Variants in IQCM observed in about 807,000 individuals in gnomAD.
IQCM encodes IQ motif containing M.
Under a neutral mutation model 57.6 loss-of-function variants are expected in IQCM, and 45 were observed. The ratio of observed to expected loss-of-function variants is 0.78; its 90% CI spans 0.62 to 1.00. The LOEUF (loss-of-function observed/expected upper bound fraction) is 1.00. Ranked by LOEUF, IQCM falls within the 50% of genes least tolerant of loss-of-function variation. The pLI is 0.00. For missense variants in IQCM, 468 were observed against 511.6 expected (o/e 0.91, Z 0.82); for synonymous variants, 148 against 158.9 (o/e 0.93, Z 0.51).
intron 13 of IQCM, among the ~76,000 whole-genome samples, chr4:149,430,478 T>A (rs1206124537): frequency 6.6e-6 from 1 of 151,954 alleles, no homozygotes; most frequent in Non-Finnish European, 1.5e-5. Flanking sequence ...ACTCTCAAAT[T>A]TTTTAACCCA....
intron 7 of IQCM, among the ~76,000 whole-genome samples, chr4:149,668,108 C>T (rs1171605461): frequency 1.3e-5 from 2 of 151,978 alleles, no homozygotes; most frequent in African/African-American, 4.8e-5. Context: ...GAAGAGCAAT[C>T]CCAAGACACA....
intron 2 of IQCM, among the ~76,000 whole-genome samples, chr4:149,777,377 G>T (rs1771190112): frequency 1.3e-5 from 2 of 152,154 alleles, no homozygotes; most frequent in African/African-American, 4.8e-5. Context: ...ACACCGTCTG[G>T]TTCATAACTG....
intron 13 of IQCM, among the ~76,000 whole-genome samples, chr4:149,400,320 A>G (rs1732528659): frequency 6.6e-6 from 1 of 151,920 alleles, no homozygotes; most frequent in Admixed American, 6.6e-5. Flanking sequence ...CGAGAAGCTT[A>G]AAAACAAAGC....
intron 5 of IQCM, among the ~76,000 whole-genome samples, chr4:149,720,232 G>C (rs969011193): frequency 6.6e-6 from 1 of 152,118 alleles, no homozygotes; most frequent in African/African-American, 2.4e-5. Flanking sequence ...TTTCCCCTCT[G>C]GGCCAATAAT....
At chr4:149,519,932 G>T (rs1384615955) in intron 12 of IQCM, among the ~76,000 whole-genome samples, 1 of 152,038 alleles carries the variant, frequency 6.6e-6, no homozygotes, top group African/African-American at 2.4e-5. Flanking sequence ...ATGAACCTGG[G>T]AGGCAGAGCT....
At chr4:149,461,230 T>C (rs1738250129) in intron 12 of IQCM, among the ~76,000 whole-genome samples, 1 of 85,274 alleles carries the variant, frequency 1.2e-5, no homozygotes, top group African/African-American at 4.4e-5. Flanking sequence ...CAAAACTCCA[T>C]CTCAAAAAAA....
In IQCM at chr4:149,657,954, T is replaced by A. The variant is rs560063481; in HGVS notation, c.565+24164A>T. On this transcript the variant is annotated intron_variant, in intron 7 of 13. Transcript: ENST00000636793. ...TTCTCCCATTCTGTAGGTTGTCTCT[T>A]TATGCTATTATTTTGTTTGTTTTGG... 2.0e-5 allele frequency among the ~76,000 whole-genome samples: 3 copies of A among 152,260 alleles called. No individual in the cohort carries two copies. The East Asian group carries it at 5.8e-4, about 29-fold the overall frequency.
chr4:149,515,170 T>A (rs2149816585), intron 12 of IQCM, among the ~76,000 whole-genome samples: 1 of 151,616 alleles, frequency 6.6e-6, no homozygotes, highest in South Asian at 2.1e-4. Flanking sequence ...GGCCCTGCCA[T>A]CTTTTGGAGA....
At chr4:149,678,225 A>G (rs569110206) in intron 7 of IQCM, among the ~76,000 whole-genome samples, 2 of 152,016 alleles carry the variant, frequency 1.3e-5, no homozygotes, top group East Asian at 3.9e-4. Flanking sequence ...ACTCCATGGC[A>G]TATGATAATC....
chr4:149,661,385 C>A (rs1160184611), intron 7 of IQCM, among the ~76,000 whole-genome samples: 1 of 152,056 alleles, frequency 6.6e-6, no homozygotes, highest in East Asian at 1.9e-4. Flanking sequence ...ATGTTTGCAT[C>A]TATGTTCGTC....
At chr4:149,392,021 C>T (rs1278964768) in intron 13 of IQCM, among the ~76,000 whole-genome samples, 1 of 151,592 alleles carries the variant, frequency 6.6e-6, no homozygotes, top group African/African-American at 2.4e-5. Context: ...TTCTCTATTT[C>T]CTTGTTGATC....
chr4:149,400,735 A>G (rs545253283), intron 13 of IQCM, among the ~76,000 whole-genome samples: 1 of 151,956 alleles, frequency 6.6e-6, no homozygotes, highest in Non-Finnish European at 1.5e-5. Flanking sequence ...GCATAATATT[A>G]AAGTCAATAA....
chr4:149,546,672 T>G (rs1051575696), intron 12 of IQCM, among the ~76,000 whole-genome samples: 46 of 152,154 alleles, frequency 3.0e-4, no homozygotes, highest in Non-Finnish European at 2.4e-4. Flanking sequence ...GGGTTGTTTG[T>G]TTTTTTCTTG....
chr4:149,663,497 A>G (rs1760410827), intron 7 of IQCM, among the ~76,000 whole-genome samples: 1 of 152,048 alleles, frequency 6.6e-6, no homozygotes, highest in Non-Finnish European at 1.5e-5. Flanking sequence ...GAATTCCCTC[A>G]GCTTTTGCTT....
intron 7 of IQCM, among the ~76,000 whole-genome samples, chr4:149,672,895 C>A (rs1761427137): frequency 6.6e-6 from 1 of 152,142 alleles, no homozygotes; most frequent in South Asian, 2.1e-4. Flanking sequence ...GGGTTACCCA[C>A]AAAGGGAAGC....
chr4:149,701,839 T>C (rs944471641), intron 5 of IQCM, among the ~76,000 whole-genome samples: 1 of 152,062 alleles, frequency 6.6e-6, no homozygotes, highest in African/African-American at 2.4e-5. Flanking sequence ...GTTTTACAGA[T>C]GTATGGATGA....
chr4:149,687,101 A>G (rs1244511019), intron 5 of IQCM, among the ~76,000 whole-genome samples: 1 of 151,704 alleles, frequency 6.6e-6, no homozygotes, highest in Non-Finnish European at 1.5e-5. Context: ...TCAGGTAACT[A>G]TTGAGCACCT....
chr4:149,557,753 T>A (rs1196492342), intron 10 of IQCM, among the ~76,000 whole-genome samples: 4 of 152,196 alleles, frequency 2.6e-5, no homozygotes, highest in Non-Finnish European at 4.4e-5. Flanking sequence ...TTAACGCTAA[T>A]CTTGTCAAGT....
At chr4:149,642,844 T>C (rs1282851358) in intron 7 of IQCM, among the ~76,000 whole-genome samples, 1 of 152,178 alleles carries the variant, frequency 6.6e-6, no homozygotes, top group Non-Finnish European at 1.5e-5. Context: ...TTGCCATATG[T>C]ATTCTAGAGA....
Sources: allele counts gnomAD v4.1 joint callset (sites outside exome capture counted in the v4.1 genomes callset), GRCh38; gene constraint gnomAD v4.1.1; transcripts MANE v1.5; gene names NCBI Gene and HGNC (gene_info 2026-07-23, HGNC 2026-07-21).